The following PPM1L variants were observed in gnomAD, a reference collection of about 807,000 sequenced individuals.
PPM1L encodes protein phosphatase, Mg2+/Mn2+ dependent 1L.
In PPM1L, 13 loss-of-function variants were observed where a neutral mutation model predicts 31.4. The ratio of observed to expected loss-of-function variants is 0.41; its 90% CI spans 0.27 to 0.66. The LOEUF (loss-of-function observed/expected upper bound fraction) is 0.66. Among genes scored for constraint, PPM1L ranks in the 30% least tolerant of loss-of-function variants. The pLI, the probability that PPM1L is intolerant of heterozygous loss-of-function variation, is 0.29. For missense variants in PPM1L, 326 were observed against 453.7 expected (o/e 0.72, Z 2.56); for synonymous variants, 184 against 175.4 (o/e 1.05, Z -0.39).
intron 1 of PPM1L, among the ~76,000 whole-genome samples, chr3:160,944,992 T>TATATA (rs1715338110): frequency 4.2e-5 from 1 of 24,032 alleles, no homozygotes; most frequent in Admixed American, 5.2e-4. Flanking sequence ...ATATATAACA[T>TATATA]ATATATAACT....
intron 2 of PPM1L, among the ~76,000 whole-genome samples, chr3:161,036,763 T>C (rs1334479642): frequency 3.3e-5 from 5 of 152,240 alleles, no homozygotes; most frequent in Admixed American, 6.5e-5. Context: ...TACATTCGTA[T>C]TGATTGCTGC....
chr3:160,847,517 C>G (rs111384762), intron 1 of PPM1L, among the ~76,000 whole-genome samples: 5,034 of 152,202 alleles, frequency 0.033, 255 homozygotes, highest in African/African-American at 0.12. Flanking sequence ...CAATTGTGAT[C>G]TCAACTGGTA....
At chr3:161,028,313 C>T (rs1404047367) in intron 2 of PPM1L, among the ~76,000 whole-genome samples, 1 of 152,014 alleles carries the variant, frequency 6.6e-6, no homozygotes, top group Non-Finnish European at 1.5e-5. Context: ...GAGGTCCCTA[C>T]AGGAAAACAG....
intron 1 of PPM1L, among the ~76,000 whole-genome samples, chr3:160,761,596 A>G (rs146105837): frequency 1.1e-4 from 17 of 152,316 alleles, no homozygotes; most frequent in African/African-American, 3.4e-4. Flanking sequence ...CTTTTATGGA[A>G]TACATTCATC....
chr3:160,985,739 C>T (rs561110462), intron 2 of PPM1L, among the ~76,000 whole-genome samples: 2 of 113,986 alleles, frequency 1.8e-5, no homozygotes, highest in East Asian at 7.8e-4. Context: ...TAGTTATTTA[C>T]CTGAATTGAT....
At chr3:161,024,590 C>T (rs148614979) in intron 2 of PPM1L, among the ~76,000 whole-genome samples, 8,639 of 151,642 alleles carry the variant, frequency 0.057, 276 homozygotes, top group African/African-American at 0.065. Flanking sequence ...CCCAGCTACT[C>T]GGGAGGCTGA....
chr3:161,050,322 C>A (rs1719232304), intron 2 of PPM1L, among the ~76,000 whole-genome samples: 1 of 151,754 alleles, frequency 6.6e-6, no homozygotes. Context: ...GACAAAAGAC[C>A]CTCAGTAGGA....
chr3:161,009,889 A>G (rs952047765), intron 2 of PPM1L, among the ~76,000 whole-genome samples: 1 of 152,224 alleles, frequency 6.6e-6, no homozygotes, highest in Non-Finnish European at 1.5e-5. Context: ...ACTGTGATTT[A>G]TCTTTTCCTA....
At chr3:160,968,670 G>A (rs570447888) in intron 2 of PPM1L, among the ~76,000 whole-genome samples, 6 of 152,310 alleles carry the variant, frequency 3.9e-5, no homozygotes, top group South Asian at 2.1e-4. Flanking sequence ...GAATTATGAG[G>A]AGAGTAGGCC....
chr3:160,898,382 C>G (rs950098270), intron 1 of PPM1L, among the ~76,000 whole-genome samples: 1 of 152,168 alleles, frequency 6.6e-6, no homozygotes, highest in African/African-American at 2.4e-5. Context: ...TGGGGAGACT[C>G]TCAGCGTCTC....
At chr3:160,954,318 A>T (rs1715665886) in intron 1 of PPM1L, among the ~76,000 whole-genome samples, 1 of 152,130 alleles carries the variant, frequency 6.6e-6, no homozygotes, top group African/African-American at 2.4e-5. Context: ...CATTAATTTA[A>T]TTCACCCTTT....
At chr3:160,900,400 T>C (rs1272517720) in intron 1 of PPM1L, among the ~76,000 whole-genome samples, 1 of 152,110 alleles carries the variant, frequency 6.6e-6, no homozygotes, top group African/African-American at 2.4e-5. Context: ...AAAAATGCTT[T>C]AAAACTATAT....
intron 1 of PPM1L, among the ~76,000 whole-genome samples, chr3:160,884,271 G>T (rs1251793688): frequency 6.6e-6 from 1 of 152,172 alleles, no homozygotes; most frequent in Non-Finnish European, 1.5e-5. Flanking sequence ...ATCAAGAAAG[G>T]CTTTGTGGAG....
intron 2 of PPM1L, among the ~76,000 whole-genome samples, chr3:161,000,202 T>C (rs1209614306): frequency 1.3e-5 from 2 of 152,184 alleles, no homozygotes; most frequent in African/African-American, 4.8e-5. Context: ...CTTTAAGTAA[T>C]TAGAGGTTAG....
At position 161,072,307 on chromosome 3, in the gene PPM1L, A is replaced by G. The variant is rs1412087609; in HGVS notation, c.*3150A>G. ...GTTCTAATGTGACATATCTGTGTAC[A>G]TATGTACATAGTACTGGTAACCAGT... On this transcript the variant is annotated 3_prime_UTR_variant, in exon 4 of 4. Transcript: ENST00000498165. 2.6e-5 allele frequency: 4 copies of G among 152,246 alleles called. No individual in the cohort carries two copies. In the East Asian group the frequency reaches 7.7e-4, roughly 29 times the overall value. 9.4% of individuals were successfully genotyped at this position (152,246 alleles called of 1,614,324 possible).
At chr3:160,908,876 G>T (rs1356324207) in intron 1 of PPM1L, among the ~76,000 whole-genome samples, 1 of 152,164 alleles carries the variant, frequency 6.6e-6, no homozygotes, top group Non-Finnish European at 1.5e-5. Flanking sequence ...TGGTAGAGGA[G>T]AGGAGAATTC....
intron 1 of PPM1L, among the ~76,000 whole-genome samples, chr3:160,915,690 G>T (rs1453357764): frequency 6.6e-6 from 1 of 152,154 alleles, no homozygotes; most frequent in Non-Finnish European, 1.5e-5. Context: ...CAAACAGCAT[G>T]GTACTGGTAC....
At chr3:160,888,593 C>G (rs1044883986) in intron 1 of PPM1L, among the ~76,000 whole-genome samples, 25 of 152,172 alleles carry the variant, frequency 1.6e-4, no homozygotes, top group Admixed American at 3.9e-4. Context: ...GAGACTTTAA[C>G]TCCCCACTGT....
chr3:160,860,589 T>C (rs2108120238), intron 1 of PPM1L, among the ~76,000 whole-genome samples: 1 of 152,306 alleles, frequency 6.6e-6, no homozygotes, highest in African/African-American at 2.4e-5. Flanking sequence ...ACTTAGACAG[T>C]GGAATCCCTG....
Sources: gnomAD v4.1 joint callset for allele counts (sites outside exome capture counted in the v4.1 genomes callset) on GRCh38, gnomAD v4.1.1 for gene constraint, MANE v1.5 for transcripts, NCBI Gene and HGNC (gene_info 2026-07-23, HGNC 2026-07-21) for gene names.